The following LAMA2 variants were observed in gnomAD, a reference collection of about 807,000 sequenced individuals.
LAMA2 encodes the protein laminin subunit alpha 2, also known as laminin subunit alpha-2.
Under a neutral mutation model 364.8 loss-of-function variants are expected in LAMA2, and 269 were observed. The ratio of observed to expected loss-of-function variants is 0.74; its 90% CI spans 0.67 to 0.82. LAMA2 has a LOEUF of 0.82. Among genes scored for constraint, LAMA2 ranks in the 40% least tolerant of loss-of-function variants. The pLI, the probability that LAMA2 is intolerant of heterozygous loss-of-function variation, is 0.00. For missense variants in LAMA2, 3,807 were observed against 3,873.2 expected (o/e 0.98, Z 0.45); for synonymous variants, 1,379 against 1,370.6 (o/e 1.01, Z -0.14).
In LAMA2 at chr6:129,366,229, T is replaced by C. The variant is rs2114619815; in HGVS notation, c.4728T>C (p.Asp1576=). The change falls in exon 33 of 65, where the codon GAT becomes GAC. Residue 1576 remains aspartate (D), a synonymous_variant. Coordinates refer to ENST00000421865, the MANE Select transcript of LAMA2 (RefSeq NM_000426.4). ...ACTTCTCTTTCACAGTTTGTGGAGATGAGTGCACTGGCCTTCTTCTCGGTG... is the reference window on the plus strand; with the variant it reads ...ACTTCTCTTTCACAGTTTGTGGAGACGAGTGCACTGGCCTTCTTCTCGGTG... ...REGWECVFCG[D]ECTGLLLGDL... 1 of 1,613,842 alleles carries C rather than the reference T, an allele frequency of 6.2e-7. No homozygotes were observed. Among genetic ancestry groups the C allele is most frequent in the Non-Finnish European group, 8.5e-7 (1 of 1,179,944 alleles).
At chr6:128,957,516 C>G (rs781488779) in intron 1 of LAMA2, among the ~76,000 whole-genome samples, 1 of 152,162 alleles carries the variant, frequency 6.6e-6, no homozygotes, top group Non-Finnish European at 1.5e-5. Flanking sequence ...TGCTCCACCC[C>G]AGTCATTGCC....
rs76434493 is a variant in LAMA2 at position 129,085,433 on chromosome 6, G to A, written c.397-12740G>A. Among the ~76,000 whole-genome samples, 1,496 of 152,220 alleles carry A rather than the reference G, an allele frequency of 9.8e-3. 30 individuals are homozygous for A. The highest frequency in any genetic ancestry group is 0.034 in the African/African-American group (1,425 of 41,518). ...GGAAAAATATTAATGTTAGAAATCT[G>A]TTCTCATGTCACTTTTAAAATTCTT... is the stretch of plus-strand genomic sequence containing the variant. On this transcript the variant is annotated intron_variant, in intron 3 of 64. Transcript: ENST00000421865.
chr6:129,314,282 C>T (rs1266483897), intron 23 of LAMA2, among the ~76,000 whole-genome samples: 4 of 151,720 alleles, frequency 2.6e-5, no homozygotes, highest in South Asian at 4.2e-4. Context: ...GCCTGTAGTC[C>T]CATCTACTCG....
At chr6:129,356,504 G>A (rs2114600232) in intron 32 of LAMA2, among the ~76,000 whole-genome samples, 1 of 152,138 alleles carries the variant, frequency 6.6e-6, no homozygotes, top group South Asian at 2.1e-4. Context: ...TCCCCACTGT[G>A]TGATAAGAGA....
At chr6:128,936,615 A>G (rs1472747376) in intron 1 of LAMA2, among the ~76,000 whole-genome samples, 1 of 152,162 alleles carries the variant, frequency 6.6e-6, no homozygotes, top group Non-Finnish European at 1.5e-5. Context: ...TAGGCACAGC[A>G]AGAGATTAAC....
intron 52 of LAMA2, 102 bp from the exon 53 acceptor site, chr6:129,475,288 T>C: frequency 1.3e-6 from 1 of 747,490 alleles, no homozygotes; most frequent in Non-Finnish European, 2.2e-6. Flanking sequence ...AATGATTTTT[T>C]AAAGATTTAT....
At position 129,402,322 on chromosome 6, in the gene LAMA2, A is replaced by T. The variant is rs786204779; in HGVS notation, c.5563-2A>T. 1 of 1,611,870 alleles carries T rather than the reference A, an allele frequency of 6.2e-7. No individual in the cohort carries two copies. The highest frequency in any genetic ancestry group is 2.2e-5 in the East Asian group (1 of 44,872). On this transcript the variant is annotated splice_acceptor_variant, in intron 38 of 64. Transcript: ENST00000421865. LOFTEE classifies it high-confidence loss of function. ...TAAAATGCCCTCTTCTCTACATATCAGTATGTTGAAGACATCCAAACTAAA... is the reference window on the plus strand; with the variant it reads ...TAAAATGCCCTCTTCTCTACATATCTGTATGTTGAAGACATCCAAACTAAA...
At chr6:129,069,844 CAATTATATT>C (rs1003901766) in intron 3 of LAMA2, among the ~76,000 whole-genome samples, 30 of 106,442 alleles carry the variant, frequency 2.8e-4, no homozygotes, top group East Asian at 2.8e-3. Context: ...TAATTATATA[CAATTATATT>C]AATTATATGT....
At chr6:129,481,946 T>A (rs1784369206) in intron 55 of LAMA2, among the ~76,000 whole-genome samples, 1 of 152,144 alleles carries the variant, frequency 6.6e-6, no homozygotes, top group Non-Finnish European at 1.5e-5. Context: ...AGAAAGCAAG[T>A]AGAACACAAC....
intron 1 of LAMA2, among the ~76,000 whole-genome samples, chr6:128,964,422 C>T (rs1345240468): frequency 2.6e-5 from 4 of 152,052 alleles, no homozygotes; most frequent in African/African-American, 9.7e-5. Context: ...ATTCACCTCT[C>T]CCACAGTGAA....
At chr6:128,884,793 C>T (rs1484822762) in intron 1 of LAMA2, among the ~76,000 whole-genome samples, 1 of 152,118 alleles carries the variant, frequency 6.6e-6, no homozygotes. Flanking sequence ...TGTGTTTAAA[C>T]AAGACATAAT....
intron 1 of LAMA2, among the ~76,000 whole-genome samples, chr6:129,038,011 T>A (rs1786786387): frequency 6.6e-6 from 1 of 152,200 alleles, no homozygotes. Context: ...AAAGATTTTC[T>A]TTAAAGATGT....
chr6:129,239,161 G>A (rs1785224159), intron 12 of LAMA2, among the ~76,000 whole-genome samples: 1 of 152,138 alleles, frequency 6.6e-6, no homozygotes, highest in Non-Finnish European at 1.5e-5. Context: ...ACGCTATGAG[G>A]TAGTTACTGT....
chr6:129,009,436 C>T (rs1365760838), intron 1 of LAMA2, among the ~76,000 whole-genome samples: 6 of 151,946 alleles, frequency 3.9e-5, no homozygotes, highest in African/African-American at 4.8e-5. Context: ...TCACAACATG[C>T]TTCAGCCAAA....
At chr6:129,252,354 G>A (rs936563522) in intron 14 of LAMA2, 59 bp downstream of exon 14, 18 of 1,344,050 alleles carry the variant, frequency 1.3e-5, no homozygotes, top group Non-Finnish European at 1.7e-5. Flanking sequence ...CAAGGTGCAG[G>A]AGCCGCCCCA....
At chr6:129,261,769 A>G (rs1324803175) in intron 15 of LAMA2, among the ~76,000 whole-genome samples, 1 of 152,142 alleles carries the variant, frequency 6.6e-6, no homozygotes, top group Non-Finnish European at 1.5e-5. Flanking sequence ...TATTCATGAC[A>G]GCTGTGTTTC....
At chr6:129,483,364 A>G (rs569994914) in intron 55 of LAMA2, among the ~76,000 whole-genome samples, 1 of 152,226 alleles carries the variant, frequency 6.6e-6, no homozygotes, top group African/African-American at 2.4e-5. Flanking sequence ...ACAAGTAAAT[A>G]TAGCACAAGA....
At chr6:129,451,017 A>T (rs968497014) in intron 45 of LAMA2, among the ~76,000 whole-genome samples, 1 of 152,082 alleles carries the variant, frequency 6.6e-6, no homozygotes, top group African/African-American at 2.4e-5. Flanking sequence ...ATATCTGAAG[A>T]CCATATTTTT....
At chr6:128,954,532 G>A (rs1781025495) in intron 1 of LAMA2, among the ~76,000 whole-genome samples, 2 of 151,936 alleles carry the variant, frequency 1.3e-5, no homozygotes, top group Admixed American at 6.6e-5. Flanking sequence ...GTGTTATTTA[G>A]CATTTCTCAA....
Sources: allele counts gnomAD v4.1 joint callset (sites outside exome capture counted in the v4.1 genomes callset), GRCh38; gene constraint gnomAD v4.1.1; transcripts MANE v1.5; gene names NCBI Gene and HGNC (gene_info 2026-07-23, HGNC 2026-07-21).